The following MSH4 variants were observed in gnomAD, a reference collection of about 807,000 sequenced individuals.
The protein encoded by MSH4 is mutS protein homolog 4.
A neutral mutation model predicts 113.7 loss-of-function variants in MSH4; 106 were observed. The observed-to-expected ratio is 0.93, with a 90% CI of 0.80 to 1.10. The LOEUF (loss-of-function observed/expected upper bound fraction) is 1.10, where lower values mean the gene tolerates loss of function less well. MSH4 is among the 50% of genes least tolerant of loss of function. The pLI, the probability that MSH4 is intolerant of heterozygous loss-of-function variation, is 0.00. For missense variants in MSH4, 1,061 were observed against 1,093.7 expected (o/e 0.97, Z 0.42); for synonymous variants, 368 against 380.2 (o/e 0.97, Z 0.37).
At chr1:75,878,440 CAT>C in intron 11 of MSH4, 122 bp downstream of exon 11, 2 of 761,788 alleles carry the variant, frequency 2.6e-6, no homozygotes, top group Admixed American at 3.5e-5. Flanking sequence ...GTTACCAAAA[CAT>C]AAGGTTAGCA....
chr1:75,846,369 G>A (rs2100544784), intron 7 of MSH4, among the ~76,000 whole-genome samples: 1 of 152,288 alleles, frequency 6.6e-6, no homozygotes, highest in South Asian at 2.1e-4. Context: ...AATTATAAAT[G>A]TCATCTTTAA....
intron 7 of MSH4, among the ~76,000 whole-genome samples, chr1:75,828,036 A>G (rs1650595584): frequency 6.6e-6 from 1 of 152,198 alleles, no homozygotes; most frequent in Non-Finnish European, 1.5e-5. Context: ...CATACAAGTG[A>G]CCAATAAACA....
chr1:75,834,895 A>C (rs538710413), intron 7 of MSH4, among the ~76,000 whole-genome samples: 1 of 152,372 alleles, frequency 6.6e-6, no homozygotes, highest in Admixed American at 6.5e-5. Context: ...CACGTTGTGC[A>C]CATGTACCCT....
At position 75,878,219 on chromosome 1, in the gene MSH4, A is replaced by G. The variant is rs781043772; in HGVS notation, c.1441A>G (p.Asn481Asp). The G allele has an allele frequency of 6.2e-7, 1 of 1,609,918 alleles. No homozygotes were observed. The highest frequency in any genetic ancestry group is 8.5e-7 in the Non-Finnish European group (1 of 1,178,662). Residue 481 changes from asparagine to aspartate, a missense_variant, in exon 11 of 20, where the codon AAC becomes GAC. Physicochemically the swap from Asn to Asp is conservative, Grantham distance 23 (BLOSUM62 1). Coordinates refer to ENST00000263187, the MANE Select transcript of MSH4 (RefSeq NM_002440.4). Reference protein sequence around the residue: ...DDARYMKGCLNMRTQKCYAVR... With the variant: ...DDARYMKGCLDMRTQKCYAVR... ...TGCAAGATACATGAAAGGATGCCTAAACATGAGGACTCAGAAGTGCTATGC... is the reference window on the plus strand; with the variant it reads ...TGCAAGATACATGAAAGGATGCCTAGACATGAGGACTCAGAAGTGCTATGC...
chr1:75,812,660 C>T (rs1325440995), intron 4 of MSH4, among the ~76,000 whole-genome samples: 1 of 152,154 alleles, frequency 6.6e-6, no homozygotes, highest in East Asian at 1.9e-4. Context: ...TGCCATTGCA[C>T]TGCAGCCTGG....
Position 75,822,495 on chromosome 1 carries a change from T to C in MSH4, c.1076T>C (p.Leu359Pro). 19 of 1,583,652 alleles carry C rather than the reference T, an allele frequency of 1.2e-5. No individual in the cohort carries two copies. Among genetic ancestry groups the C allele is most frequent in the Middle Eastern group, 1.7e-4 (1 of 5,886 alleles). The change falls in exon 7 of 20, where the codon CTA (leucine) becomes CCA (proline). Residue 359 changes from leucine (L) to proline (P), a missense_variant. Physicochemically the swap from Leu to Pro is moderately conservative, Grantham distance 98. Coordinates refer to ENST00000263187, the MANE Select transcript of MSH4 (RefSeq NM_002440.4). ...CTTCGTTCTAATATATTAGAGCCTC[T>C]AGTTGATATTGAAACCATTAACATG... ...RRLRSNILEP[L>P]VDIETINMRL...
At chr1:75,842,650 A>G (rs1650985224) in intron 7 of MSH4, among the ~76,000 whole-genome samples, 1 of 152,190 alleles carries the variant, frequency 6.6e-6, no homozygotes, top group Non-Finnish European at 1.5e-5. Flanking sequence ...CCAGAAGACA[A>G]GAGTGCGAGC....
At chr1:75,820,367 T>C (rs994883087) in intron 6 of MSH4, among the ~76,000 whole-genome samples, 2 of 152,240 alleles carry the variant, frequency 1.3e-5, no homozygotes, top group African/African-American at 4.8e-5. Context: ...TCTTTTTCTG[T>C]TGATTGGAAT....
rs1045651562 is a variant in MSH4 at position 75,913,028 on chromosome 1, A to G, written c.*141A>G. 1 of 402,962 alleles carries G rather than the reference A, an allele frequency of 2.5e-6. No individual in the cohort carries two copies. Among genetic ancestry groups the G allele is most frequent in the African/African-American group, 2.1e-5 (1 of 48,278 alleles). The allele number at this position is 402,962 out of a possible 1,614,324, so 25.0% of individuals were successfully genotyped here. On this transcript the variant is annotated 3_prime_UTR_variant, in exon 20 of 20. Transcript: ENST00000263187. ...TATATTAACATCACAATTGTCATCT[A>G]TATATTCTATATGAAAAATATTTAT...
At chr1:75,845,021 A>T (rs553982818) in intron 7 of MSH4, among the ~76,000 whole-genome samples, 1 of 152,314 alleles carries the variant, frequency 6.6e-6, no homozygotes, top group African/African-American at 2.4e-5. Context: ...TCCAGAATTT[A>T]CTTCCAGAAC....
chr1:75,829,092 T>C (rs886252677), intron 7 of MSH4, among the ~76,000 whole-genome samples: 5 of 152,178 alleles, frequency 3.3e-5, no homozygotes, highest in Non-Finnish European at 5.9e-5. Context: ...ACCCTAATAC[T>C]GCGCTTTTCC....
At chr1:75,881,638 C>A (rs1237217362) in intron 14 of MSH4, among the ~76,000 whole-genome samples, 1 of 151,928 alleles carries the variant, frequency 6.6e-6, no homozygotes, top group Non-Finnish European at 1.5e-5. Flanking sequence ...ACTGTAAGAG[C>A]TGTCTCCTTG....
At chr1:75,852,331 G>T (rs1214657310) in intron 8 of MSH4, among the ~76,000 whole-genome samples, 4 of 152,052 alleles carry the variant, frequency 2.6e-5, no homozygotes, top group Admixed American at 2.0e-4. Flanking sequence ...TATGAATAAT[G>T]CTATGAATAT....
chr1:75,858,276 G>A (rs1198120494), intron 8 of MSH4, among the ~76,000 whole-genome samples: 1 of 152,076 alleles, frequency 6.6e-6, no homozygotes, highest in African/African-American at 2.4e-5. Context: ...TTGCCTGATT[G>A]CCCTGGCCAG....
intron 8 of MSH4, among the ~76,000 whole-genome samples, chr1:75,862,126 G>C (rs965626714): frequency 2.0e-5 from 3 of 152,190 alleles, no homozygotes; most frequent in Admixed American, 2.0e-4. Context: ...TGGTCTGCCA[G>C]TTGTGAAGAC....
intron 7 of MSH4, among the ~76,000 whole-genome samples, chr1:75,836,408 C>T (rs1417014866): frequency 6.6e-6 from 1 of 151,286 alleles, no homozygotes; most frequent in Admixed American, 6.6e-5. Context: ...AAGCAATCCT[C>T]GCACCTCAGC....
chr1:75,853,598 T>A (rs1651245280), intron 8 of MSH4, among the ~76,000 whole-genome samples: 1 of 152,134 alleles, frequency 6.6e-6, no homozygotes, highest in South Asian at 2.1e-4. Flanking sequence ...ATGTAAATAT[T>A]TTGCTCTTCT....
chr1:75,826,986 A>G (rs11579355), intron 7 of MSH4, among the ~76,000 whole-genome samples: 31,516 of 152,140 alleles, frequency 0.21, 3,822 homozygotes, highest in African/African-American at 0.3. Context: ...CTTGGTTCAG[A>G]GCTGGGTTCA....
intron 7 of MSH4, among the ~76,000 whole-genome samples, chr1:75,843,196 C>T (rs530743869): frequency 1.8e-4 from 27 of 152,326 alleles, no homozygotes; most frequent in Non-Finnish European, 2.4e-4. Flanking sequence ...TACCCTGCCC[C>T]TTTTGCTTTG....
Sources: gnomAD v4.1 joint callset for allele counts (sites outside exome capture counted in the v4.1 genomes callset) on GRCh38, gnomAD v4.1.1 for gene constraint, MANE v1.5 for transcripts, NCBI Gene and HGNC (gene_info 2026-07-23, HGNC 2026-07-21) for gene names.